Variants in AGMO observed in about 807,000 individuals in gnomAD.
AGMO encodes the protein glyceryl-ether monooxygenase.
AGMO carries 75 observed loss-of-function variants against 60.2 expected under a neutral mutation model. That is an observed-to-expected ratio of 1.25 (90% CI 1.03 to 1.51). AGMO has a LOEUF of 1.51. AGMO is among the 40% of genes most tolerant of loss of function. AGMO has a pLI of 0.00. For missense variants in AGMO, 763 were observed against 525.5 expected (o/e 1.45, Z -4.42); for synonymous variants, 261 against 177.1 (o/e 1.47, Z -3.76).
At chr7:15,357,622 A>G (rs887152433) in intron 12 of AGMO, among the ~76,000 whole-genome samples, 2 of 152,212 alleles carry the variant, frequency 1.3e-5, no homozygotes, top group African/African-American at 4.8e-5. Flanking sequence ...AGCCTTGCAA[A>G]TGCAGTCTTC....
At chr7:15,556,120 C>G (rs972001916) in intron 2 of AGMO, among the ~76,000 whole-genome samples, 1 of 151,758 alleles carries the variant, frequency 6.6e-6, no homozygotes, top group Non-Finnish European at 1.5e-5. Flanking sequence ...CGTGCCAAGG[C>G]CCCTAGTATA....
chr7:15,252,157 C>T (rs922278792), intron 12 of AGMO, among the ~76,000 whole-genome samples: 1 of 152,110 alleles, frequency 6.6e-6, no homozygotes. Context: ...ACAATAATCA[C>T]AATAACAAAC....
chr7:15,342,055 C>G (rs1781865718), intron 12 of AGMO, among the ~76,000 whole-genome samples: 1 of 150,628 alleles, frequency 6.6e-6, no homozygotes. Flanking sequence ...GCTCACTTTG[C>G]TTTTAAGTCT....
chr7:15,504,403 C>G (rs1783458785), intron 3 of AGMO, among the ~76,000 whole-genome samples: 1 of 151,956 alleles, frequency 6.6e-6, no homozygotes, highest in Non-Finnish European at 1.5e-5. Context: ...TATTAAGAAG[C>G]AAGCCTTTAA....
chr7:15,173,003 C>T, the AGMO span, among the ~76,000 whole-genome samples: 1 of 152,128 alleles, frequency 6.6e-6, no homozygotes, highest in Non-Finnish European at 1.5e-5. Context: ...ATTACATATC[C>T]TTATGACATA....
At chr7:15,553,922 G>A (rs1583684406) in intron 2 of AGMO, among the ~76,000 whole-genome samples, 1 of 151,998 alleles carries the variant, frequency 6.6e-6, no homozygotes, top group Admixed American at 6.6e-5. Flanking sequence ...TTAGCATGAA[G>A]CCTAACTTCC....
intron 12 of AGMO, among the ~76,000 whole-genome samples, chr7:15,350,264 CATTAA>C (rs1316620331): frequency 1.3e-5 from 2 of 152,052 alleles, no homozygotes; most frequent in South Asian, 2.1e-4. Flanking sequence ...TTGTGCTGTA[CATTAA>C]ATCAAATAAA....
the AGMO span, among the ~76,000 whole-genome samples, chr7:15,154,070 G>A: frequency 6.6e-6 from 1 of 152,062 alleles, no homozygotes. Flanking sequence ...ATCCAAATTG[G>A]TAAAGAGGAA....
rs1782410277 is a variant in AGMO at position 15,354,423 on chromosome 7, CACACACGTGTGTGTATACACACGTGT to C, written c.1263+11065_1263+11090del. Among the ~76,000 whole-genome samples the C allele has an allele frequency of 3.9e-3, 107 of 27,466 alleles. 17 individuals are homozygous for C. Among genetic ancestry groups the C allele is most frequent in the African/African-American group, 0.021 (84 of 4,050 alleles). 18.0% of individuals were successfully genotyped at this position (27,466 alleles called of 152,430 possible). A position where few individuals can be genotyped will look rare whatever the true frequency, so the allele number is the denominator to read the frequency against. ...GTGTGTGTACACACGTGTGTGTATA[CACACACGTGTGTGTATACACACGTGT>C]GTGTATACACACGTGTGTGTATACA... is the stretch of plus-strand genomic sequence containing the variant. On this transcript the variant is annotated intron_variant, in intron 12 of 12. Transcript: ENST00000342526.
chr7:15,256,057 G>A (rs181179208), intron 12 of AGMO, among the ~76,000 whole-genome samples: 4 of 152,326 alleles, frequency 2.6e-5, no homozygotes, highest in Admixed American at 2.6e-4. Flanking sequence ...AAATACTTGA[G>A]GTGGTAAACC....
chr7:15,291,675 G>C (rs1784267882), intron 12 of AGMO, among the ~76,000 whole-genome samples: 1 of 152,144 alleles, frequency 6.6e-6, no homozygotes. Context: ...TGGGTACAAA[G>C]AGAGGATTGA....
At chr7:15,350,160 A>G (rs1782188085) in intron 12 of AGMO, among the ~76,000 whole-genome samples, 1 of 152,144 alleles carries the variant, frequency 6.6e-6, no homozygotes, top group South Asian at 2.1e-4. Flanking sequence ...CCATTTCATC[A>G]TAGTAATTTA....
intron 6 of AGMO, among the ~76,000 whole-genome samples, chr7:15,393,794 C>T (rs571075948): frequency 5.3e-5 from 8 of 152,260 alleles, no homozygotes; most frequent in African/African-American, 1.9e-4. Context: ...TAGCCTTTGA[C>T]AGAATCCTTT....
At chr7:15,255,534 C>CAAAAAAAAAAAAAAAAAAAAA (rs60035165) in intron 12 of AGMO, among the ~76,000 whole-genome samples, 2 of 115,810 alleles carry the variant, frequency 1.7e-5, no homozygotes, top group African/African-American at 3.2e-5. Flanking sequence ...TGTAAGAATA[C>CAAAAAAAAAAAAAAAAAAAAA]AAAAAAAAAA....
chr7:15,294,605 T>A (rs1443785969), intron 12 of AGMO, among the ~76,000 whole-genome samples: 1 of 151,962 alleles, frequency 6.6e-6, no homozygotes, highest in Non-Finnish European at 1.5e-5. Flanking sequence ...CCTAAAAATG[T>A]GAATAATTTA....
In AGMO at chr7:15,561,774, T is replaced by C; in HGVS notation, c.72A>G (p.Lys24=). Residue 24 remains lysine, a synonymous_variant, in exon 1 of 13, where the codon AAA becomes AAG. Transcript: ENST00000342526. ...QGFRMLFYTM[K]PSETSFQTLE... ...ATGTTTGGAATGAAGTTTCACTGGG[T>C]TTCATCGTGTAAAACAACATGCGAA... The C allele has an allele frequency of 6.2e-7, 1 of 1,612,074 alleles. No homozygotes were observed. Among genetic ancestry groups the C allele is most frequent in the Non-Finnish European group, 8.5e-7 (1 of 1,178,740 alleles).
At chr7:15,380,753 G>C (rs1231294981) in intron 10 of AGMO, among the ~76,000 whole-genome samples, 3 of 152,026 alleles carry the variant, frequency 2.0e-5, no homozygotes, top group Admixed American at 6.6e-5. Flanking sequence ...AACAAAGCTG[G>C]GGACATAACA....
intron 10 of AGMO, among the ~76,000 whole-genome samples, chr7:15,372,191 G>A (rs112403117): frequency 2.0e-5 from 3 of 151,848 alleles, no homozygotes; most frequent in Admixed American, 6.6e-5. Flanking sequence ...TGGCTCATGC[G>A]TGTAATCCCA....
chr7:15,290,696 T>C (rs1359036718), intron 12 of AGMO, among the ~76,000 whole-genome samples: 1 of 152,174 alleles, frequency 6.6e-6, no homozygotes, highest in Non-Finnish European at 1.5e-5. Context: ...TTAGATTAGA[T>C]AGGTCACATA....
Sources: gnomAD v4.1 joint callset for allele counts (sites outside exome capture counted in the v4.1 genomes callset) on GRCh38, gnomAD v4.1.1 for gene constraint, MANE v1.5 for transcripts, NCBI Gene and HGNC (gene_info 2026-07-23, HGNC 2026-07-21) for gene names.